RASAL2: variants seen among roughly 807,000 people sequenced by gnomAD.
RASAL2 encodes ras GTPase-activating protein nGAP.
Under a neutral mutation model 128.9 loss-of-function variants are expected in RASAL2, and 58 were observed. The ratio of observed to expected loss-of-function variants is 0.45; its 90% CI spans 0.36 to 0.56. The LOEUF (loss-of-function observed/expected upper bound fraction) is 0.56, where lower values mean the gene tolerates loss of function less well. Among genes scored for constraint, RASAL2 ranks in the 20% least tolerant of loss-of-function variants. The pLI is 0.00. For missense variants in RASAL2, 1,360 were observed against 1,601.6 expected (o/e 0.85, Z 2.57); for synonymous variants, 561 against 580.8 (o/e 0.97, Z 0.49).
At chr1:178,294,042 A>G (rs898332460) in intron 2 of RASAL2, among the ~76,000 whole-genome samples, 1 of 152,252 alleles carries the variant, frequency 6.6e-6, no homozygotes, top group Non-Finnish European at 1.5e-5. Flanking sequence ...GGAATGTATT[A>G]AAGAATTGCA....
intron 1 of RASAL2, among the ~76,000 whole-genome samples, chr1:178,254,734 G>C (rs577878251): frequency 6.6e-6 from 1 of 152,188 alleles, no homozygotes; most frequent in South Asian, 2.1e-4. Flanking sequence ...AGGAGAGAGA[G>C]AAAGAAACAG....
rs1462472326 is a variant in RASAL2, at chr1:178,458,072, A to G, written c.2780A>G (p.Tyr927Cys). The G allele has an allele frequency of 1.2e-6, 2 of 1,614,166 alleles. No homozygotes were observed. The highest frequency in any genetic ancestry group is 1.7e-5 in the Admixed American group (1 of 60,020). The change falls in exon 14 of 18, where the codon TAT becomes TGT. Residue 927 changes from tyrosine to cysteine, a missense_variant. By Grantham distance (194) the Tyr-to-Cys change is radical. Transcript: ENST00000367649. ...LQPLSFQNPV[Y>C]HLNNPIPAMP... ...CCCTTGTCGTTCCAGAACCCTGTCT[A>G]TCACCTCAATAACCCAATTCCAGCA... is the stretch of plus-strand genomic sequence containing the variant.
intron 1 of RASAL2, among the ~76,000 whole-genome samples, chr1:178,193,692 C>A (rs190743691): frequency 7.9e-5 from 12 of 152,178 alleles, no homozygotes; most frequent in Admixed American, 7.9e-4. Context: ...CGGAGTTATT[C>A]CTTTTTTCCT....
At chr1:178,280,505 A>G (rs1435386955) in intron 1 of RASAL2, among the ~76,000 whole-genome samples, 1 of 152,082 alleles carries the variant, frequency 6.6e-6, no homozygotes, top group Admixed American at 6.6e-5. Context: ...ATATAAACCC[A>G]TATTGATATA....
chr1:178,253,063 G>C (rs1320955138), intron 1 of RASAL2, among the ~76,000 whole-genome samples: 1 of 152,054 alleles, frequency 6.6e-6, no homozygotes. Flanking sequence ...TTAAAATCTA[G>C]GTGTCAGCAG....
intron 1 of RASAL2, among the ~76,000 whole-genome samples, chr1:178,122,006 T>C (rs906656210): frequency 6.6e-6 from 1 of 152,180 alleles, no homozygotes; most frequent in Non-Finnish European, 1.5e-5. Context: ...TGGAGGCTCT[T>C]TAAGAGCTCA....
At chr1:178,119,102 AGG>A (rs1351583361) in intron 1 of RASAL2, among the ~76,000 whole-genome samples, 7 of 152,188 alleles carry the variant, frequency 4.6e-5, no homozygotes, top group African/African-American at 1.7e-4. Flanking sequence ...TCCTGACCTC[AGG>A]TGATCCACCC....
At chr1:178,114,067 T>G (rs57010145) in intron 1 of RASAL2, among the ~76,000 whole-genome samples, 8,779 of 152,182 alleles carry the variant, frequency 0.058, 369 homozygotes, top group Admixed American at 0.14. Flanking sequence ...CTAGTGTTTT[T>G]TTTTGTTTTG....
intron 3 of RASAL2, chr1:178,341,506 G>T: frequency 6.3e-7 from 1 of 1,595,332 alleles, no homozygotes; most frequent in South Asian, 1.2e-5. Context: ...GCAGGAAAGC[G>T]AGCACAGGCG....
chr1:178,103,388 A>G (rs1315341757), intron 1 of RASAL2, among the ~76,000 whole-genome samples: 1 of 152,132 alleles, frequency 6.6e-6, no homozygotes, highest in Non-Finnish European at 1.5e-5. Flanking sequence ...CATATCTGTA[A>G]GAAAAATACA....
At chr1:178,159,883 C>T (rs1037779474) in intron 1 of RASAL2, among the ~76,000 whole-genome samples, 15 of 151,902 alleles carry the variant, frequency 9.9e-5, no homozygotes, top group African/African-American at 3.1e-4. Context: ...CCTGCCTGGG[C>T]GACAGAGCAA....
chr1:178,108,081 C>G (rs921629342), intron 1 of RASAL2, among the ~76,000 whole-genome samples: 1 of 152,090 alleles, frequency 6.6e-6, no homozygotes, highest in African/African-American at 2.4e-5. Context: ...CAGCAATGCA[C>G]GAGGGTTCCA....
At chr1:178,343,670 C>T (rs1442374579) in intron 3 of RASAL2, among the ~76,000 whole-genome samples, 1 of 151,900 alleles carries the variant, frequency 6.6e-6, no homozygotes, top group African/African-American at 2.4e-5. Flanking sequence ...ATTTTATTAA[C>T]CAAGCTAATC....
rs529987001 is a variant in RASAL2 at position 178,277,372 on chromosome 1, T to C, written c.203-6192T>C. Among the ~76,000 whole-genome samples, 9 of 152,248 alleles carry C rather than the reference T, an allele frequency of 5.9e-5. No homozygotes were observed. The South Asian group carries it at 1.9e-3, about 32-fold the overall frequency. ...TGAGGTCTCACTGTGTTGACCAGGC[T>C]AGCCTCAAACTTCTGAGTTCAAGTG... On this transcript the variant is annotated intron_variant, in intron 1 of 17. Transcript: ENST00000367649.
chr1:178,297,156 G>A lies in RASAL2; in HGVS notation c.331-2836G>A, dbSNP rs1456998414. ...AATATGAACTAGTAAAATAAATTAC[G>A]ACAATCACACTGGAGAAAATTGCTC... On this transcript the variant is annotated intron_variant, in intron 2 of 17. Coordinates refer to ENST00000367649, the MANE Select transcript of RASAL2 (RefSeq NM_170692.4). Among the ~76,000 whole-genome samples, 4 of 151,962 alleles carry A rather than the reference G, an allele frequency of 2.6e-5. No homozygotes were observed. The East Asian group carries it at 5.8e-4, about 22-fold the overall frequency.
chr1:178,391,009 C>G (rs1672873556), intron 4 of RASAL2, among the ~76,000 whole-genome samples: 1 of 152,268 alleles, frequency 6.6e-6, no homozygotes, highest in South Asian at 2.1e-4. Context: ...AAGACTTGGT[C>G]TGCACTTTGC....
At position 178,094,153 on chromosome 1, in the gene RASAL2, T is replaced by C. The variant is rs962437031; in HGVS notation, c.-340T>C. The C allele has an allele frequency of 3.1e-6, 1 of 321,856 alleles. No homozygotes were observed. Among genetic ancestry groups the C allele is most frequent in the Non-Finnish European group, 5.7e-6 (1 of 176,300 alleles). The allele number at this position is 321,856 out of a possible 1,614,324, so 19.9% of individuals were successfully genotyped here. On this transcript the variant is annotated 5_prime_UTR_variant, in exon 1 of 18. Transcript: ENST00000367649. ...CGCCGGCGGGGCTGAAGAAGGCGGC[T>C]CCGAGGAGGTGGGAGGGCGAGCCTC...
intron 5 of RASAL2, among the ~76,000 whole-genome samples, chr1:178,421,911 T>C (rs1675166538): frequency 6.6e-6 from 1 of 152,168 alleles, no homozygotes; most frequent in South Asian, 2.1e-4. Flanking sequence ...AAAAAGATTT[T>C]TAAAATATTT....
intron 1 of RASAL2, among the ~76,000 whole-genome samples, chr1:178,121,853 T>C (rs1208612795): frequency 6.6e-6 from 1 of 152,170 alleles, no homozygotes; most frequent in African/African-American, 2.4e-5. Context: ...TGTTACTCTG[T>C]GTATAGCTTA....
Sources: allele counts gnomAD v4.1 joint callset (sites outside exome capture counted in the v4.1 genomes callset), GRCh38; gene constraint gnomAD v4.1.1; transcripts MANE v1.5; gene names NCBI Gene and HGNC (gene_info 2026-07-23, HGNC 2026-07-21).